Variants in GNB5 observed in about 807,000 individuals in gnomAD.
GNB5 encodes G protein subunit beta 5.
Under a neutral mutation model 55.3 loss-of-function variants are expected in GNB5, and 37 were observed. The ratio of observed to expected loss-of-function variants is 0.67; its 90% CI spans 0.51 to 0.88. The LOEUF is 0.88. GNB5 is among the 40% of genes least tolerant of loss of function. The pLI is 0.00. For missense variants in GNB5, 476 were observed against 515.3 expected, an observed-to-expected ratio of 0.92 and a Z score of 0.74; for synonymous variants, 219 against 198.5, an observed-to-expected ratio of 1.10 and a Z score of -0.87.
intron 6 of GNB5, among the ~76,000 whole-genome samples, chr15:52,146,123 A>AT (rs1360926001): frequency 1.3e-4 from 19 of 150,844 alleles, no homozygotes; most frequent in Non-Finnish European, 2.1e-4. Context: ...TGCCCGGCTA[A>AT]TTTTTTTTTA....
intron 7 of GNB5, chr15:52,138,325 G>C (rs1284457120): frequency 5.0e-6 from 1 of 199,370 alleles, no homozygotes; most frequent in Non-Finnish European, 1.0e-5. Flanking sequence ...GGAGGTTGCA[G>C]TGAGCTGAGA....
intron 9 of GNB5, among the ~76,000 whole-genome samples, chr15:52,131,768 C>T (rs914471259): frequency 2.6e-5 from 4 of 152,228 alleles, no homozygotes; most frequent in South Asian, 2.1e-4. Context: ...AAATAATTCT[C>T]GTGTTTTCCC....
intron 1 of GNB5, among the ~76,000 whole-genome samples, chr15:52,187,967 A>AAAAT (rs1354127330): frequency 6.6e-6 from 1 of 150,864 alleles, no homozygotes; most frequent in African/African-American, 2.5e-5. Flanking sequence ...TTAAAAATTA[A>AAAAT]AAATAAATAA....
At chr15:52,170,057 A>G (rs1454925932) in intron 3 of GNB5, among the ~76,000 whole-genome samples, 1 of 152,194 alleles carries the variant, frequency 6.6e-6, no homozygotes, top group Non-Finnish European at 1.5e-5. Flanking sequence ...AAAGTCAAGA[A>G]GTAACAGATG....
chr15:52,168,655 T>A (rs536727504), intron 3 of GNB5, among the ~76,000 whole-genome samples: 24 of 152,306 alleles, frequency 1.6e-4, no homozygotes, highest in African/African-American at 5.8e-4. Context: ...AGAGCCCATA[T>A]AGCCAAGATA....
Position 52,136,049 on chromosome 15 carries a change from T to C in GNB5, c.628-293A>G, listed in dbSNP as rs143523746. ...GCAGTCAATCAGAGGCTTAACGTTT[T>C]GCAGGGAAAAGCAGAACACACACAC... On this transcript the variant is annotated intron_variant, in intron 7 of 12. Coordinates refer to ENST00000261837, the MANE Select transcript of GNB5 (RefSeq NM_016194.4). Among the ~76,000 whole-genome samples the C allele has an allele frequency of 6.0e-3, 763 of 126,290 alleles. 16 individuals are homozygous for C. Among genetic ancestry groups the C allele is most frequent in the Admixed American group, 0.024 (270 of 11,042 alleles). The allele number at this position is 126,290 out of a possible 152,430, so 82.9% of individuals were successfully genotyped here.
Position 52,149,874 on chromosome 15 carries a change from A to T in GNB5, c.417+10T>A. On this transcript the variant is annotated intron_variant, in intron 5 of 12. Coordinates refer to ENST00000261837, the MANE Select transcript of GNB5 (RefSeq NM_016194.4). Reference sequence around the variant, plus strand: ...AAGCCTCTATAACGTGGCTGGGAACAATGCCTCACCTTGTTTGTGGTGAAG... The same window carrying T: ...AAGCCTCTATAACGTGGCTGGGAACTATGCCTCACCTTGTTTGTGGTGAAG... 2 of 1,605,290 alleles carry T rather than the reference A, an allele frequency of 1.2e-6. No individual in the cohort carries two copies. The highest frequency in any genetic ancestry group is 1.7e-6 in the Non-Finnish European group (2 of 1,172,024).
At chr15:52,133,621 T>C in intron 8 of GNB5, 152 bp from the exon 9 acceptor site, 1 of 605,406 alleles carries the variant, frequency 1.7e-6, no homozygotes, top group Non-Finnish European at 3.0e-6. Flanking sequence ...TGAGGGCACT[T>C]TCCTTAGTCA....
intron 7 of GNB5, chr15:52,139,787 T>C: frequency 8.1e-7 from 1 of 1,233,478 alleles, no homozygotes; most frequent in South Asian, 1.3e-5. Flanking sequence ...CTAAGCTGCT[T>C]GTTGGAAAAG....
At chr15:52,136,053 G>A (rs549225825) in intron 7 of GNB5, among the ~76,000 whole-genome samples, 1 of 125,774 alleles carries the variant, frequency 8.0e-6, no homozygotes, top group East Asian at 2.5e-4. Context: ...ACGTTTTGCA[G>A]GGAAAAGCAG....
intron 1 of GNB5, among the ~76,000 whole-genome samples, chr15:52,189,455 C>T (rs985519164): frequency 2.0e-5 from 3 of 152,170 alleles, no homozygotes; most frequent in Non-Finnish European, 4.4e-5. Context: ...TGGCAGGTGC[C>T]TGTAATCCCA....
Position 52,133,546 on chromosome 15 carries a change from A to G in GNB5, c.772-77T>C, listed in dbSNP as rs1596060739. On this transcript the variant is annotated intron_variant, in intron 8 of 12. Transcript: ENST00000261837. ...ACAAGGCACGAGTCCCAGTTATATA[A>G]CACAGACCATTTATTTCCCATTAGC... 15 of 895,580 alleles carry G rather than the reference A, an allele frequency of 1.7e-5. No individual in the cohort carries two copies. In the East Asian group the frequency reaches 3.6e-4, roughly 22 times the overall value. The allele number at this position is 895,580 out of a possible 1,614,324, so 55.5% of individuals were successfully genotyped here.
chr15:52,140,023 C>A (rs972062763), intron 7 of GNB5: 3 of 1,127,072 alleles, frequency 2.7e-6, no homozygotes, highest in Non-Finnish European at 3.4e-6. Context: ...GCCACAGCGC[C>A]CCCTGGTGAA....
rs934525266 is a variant in GNB5, at chr15:52,124,815, G to C, written c.1010-176C>G. ...AGCACAGTCCCTGTCCCTGTTGGAG[G>C]ATGTGGGGCTGAAAGGAACAGATCA... On this transcript the variant is annotated intron_variant, in intron 11 of 12. Coordinates refer to ENST00000261837, the MANE Select transcript of GNB5 (RefSeq NM_016194.4). The C allele has an allele frequency of 5.1e-6, 3 of 588,346 alleles. No homozygotes were observed. In the South Asian group the frequency reaches 6.2e-5, roughly 12 times the overall value. The allele number at this position is 588,346 out of a possible 1,614,324, so 36.4% of individuals were successfully genotyped here.
chr15:52,148,249 A>C (rs1356486092), intron 5 of GNB5, among the ~76,000 whole-genome samples: 1 of 152,028 alleles, frequency 6.6e-6, no homozygotes, highest in Non-Finnish European at 1.5e-5. Flanking sequence ...TTTGTATTTT[A>C]AGTCTGTTTA....
chr15:52,149,003 G>C (rs899812467), intron 5 of GNB5, among the ~76,000 whole-genome samples: 6 of 152,246 alleles, frequency 3.9e-5, no homozygotes, highest in African/African-American at 1.4e-4. Flanking sequence ...TGCTGAGAGA[G>C]ATGAAGGCTT....
intron 3 of GNB5, among the ~76,000 whole-genome samples, chr15:52,167,822 T>C (rs1219052688): frequency 6.6e-6 from 1 of 152,100 alleles, no homozygotes; most frequent in Non-Finnish European, 1.5e-5. Flanking sequence ...GTTGGATTCA[T>C]CCCCAGGATG....
intron 5 of GNB5, chr15:52,149,507 G>T: frequency 3.7e-6 from 2 of 534,638 alleles, no homozygotes; most frequent in East Asian, 6.2e-5. Flanking sequence ...TTCCCACAGG[G>T]CTATGGAGTC....
chr15:52,155,179 T>C lies in GNB5; in HGVS notation c.239-1103A>G, dbSNP rs1255683224. Among the ~76,000 whole-genome samples the C allele has an allele frequency of 2.0e-5, 3 of 152,282 alleles. No homozygotes were observed. In the East Asian group the frequency reaches 5.8e-4, roughly 29 times the overall value. On this transcript the variant is annotated intron_variant, in intron 3 of 12. Coordinates refer to ENST00000261837, the MANE Select transcript of GNB5 (RefSeq NM_016194.4). ...TCCTTGAAACCTCCCAGCTGGCCTT[T>C]CTCCAGGTAGGTGAGGAGGGAAGAG...
Sources: gnomAD v4.1 joint callset for allele counts (sites outside exome capture counted in the v4.1 genomes callset) on GRCh38, gnomAD v4.1.1 for gene constraint, MANE v1.5 for transcripts, NCBI Gene and HGNC (gene_info 2026-07-23, HGNC 2026-07-21) for gene names.